Variants in MAML3 observed in about 807,000 individuals in gnomAD.
MAML3 encodes the protein mastermind like transcriptional coactivator 3.
Under a neutral mutation model 101.9 loss-of-function variants are expected in MAML3, and 27 were observed. The ratio of observed to expected loss-of-function variants is 0.27; its 90% CI spans 0.20 to 0.37. MAML3 has a LOEUF of 0.37. MAML3 is among the 10% of genes least tolerant of loss of function. The pLI, the probability that MAML3 is intolerant of heterozygous loss-of-function variation, is 1.00. For synonymous variants in MAML3, 501 were observed against 555.9 expected (o/e 0.90, Z 1.39); for missense variants, 1,316 against 1,444.9 (o/e 0.91, Z 1.45).
chr4:139,824,058 T>C (rs1310703728), intron 2 of MAML3, among the ~76,000 whole-genome samples: 2 of 152,130 alleles, frequency 1.3e-5, no homozygotes, highest in Non-Finnish European at 2.9e-5. Context: ...AAGTAAAATA[T>C]ATACTGAAGC....
At chr4:140,096,569 C>T (rs906160562) in intron 1 of MAML3, among the ~76,000 whole-genome samples, 1 of 152,144 alleles carries the variant, frequency 6.6e-6, no homozygotes, top group Non-Finnish European at 1.5e-5. Flanking sequence ...TCTCATTCCT[C>T]AGTCACAGCA....
At chr4:139,922,445 G>A (rs1350381756) in intron 1 of MAML3, among the ~76,000 whole-genome samples, 3 of 130,226 alleles carry the variant, frequency 2.3e-5, no homozygotes, top group African/African-American at 7.7e-5. Flanking sequence ...CAGAGAGAAC[G>A]GTGGGTCCCT....
intron 1 of MAML3, among the ~76,000 whole-genome samples, chr4:139,964,219 A>G (rs2110779587): frequency 6.6e-6 from 1 of 152,352 alleles, no homozygotes; most frequent in African/African-American, 2.4e-5. Context: ...CTGGATAAAG[A>G]ACATGTGGTA....
chr4:140,026,402 G>A (rs1264744547), intron 1 of MAML3, among the ~76,000 whole-genome samples: 1 of 152,060 alleles, frequency 6.6e-6, no homozygotes, highest in East Asian at 1.9e-4. Context: ...TTACAGGCAT[G>A]CGCCACTACA....
At chr4:139,986,854 T>G (rs1470504455) in intron 1 of MAML3, among the ~76,000 whole-genome samples, 1 of 152,206 alleles carries the variant, frequency 6.6e-6, no homozygotes, top group East Asian at 1.9e-4. Context: ...TTGGATAGCA[T>G]GTGGCTGATA....
At chr4:139,817,770 C>T (rs1469648521) in intron 2 of MAML3, among the ~76,000 whole-genome samples, 1 of 152,226 alleles carries the variant, frequency 6.6e-6, no homozygotes, top group Non-Finnish European at 1.5e-5. Flanking sequence ...TTACCACCAA[C>T]GCTGAAGCCA....
intron 1 of MAML3, among the ~76,000 whole-genome samples, chr4:140,143,501 A>G (rs1345098058): frequency 6.6e-6 from 1 of 152,150 alleles, no homozygotes; most frequent in Non-Finnish European, 1.5e-5. Flanking sequence ...GGTGGCTCAC[A>G]CCTGTAATCC....
At chr4:140,058,178 G>GA (rs1429701573) in intron 1 of MAML3, among the ~76,000 whole-genome samples, 1 of 152,032 alleles carries the variant, frequency 6.6e-6, no homozygotes, top group African/African-American at 2.4e-5. Flanking sequence ...GACAAGGAAG[G>GA]AAAAAATTGC....
chr4:139,931,291 T>C (rs1378032684), intron 1 of MAML3, among the ~76,000 whole-genome samples: 1 of 152,156 alleles, frequency 6.6e-6, no homozygotes, highest in Non-Finnish European at 1.5e-5. Flanking sequence ...GCTACCTCAT[T>C]TATCCTTCCG....
chr4:139,769,963 A>G (rs1423552967), intron 2 of MAML3, among the ~76,000 whole-genome samples: 1 of 144,254 alleles, frequency 6.9e-6, no homozygotes, highest in African/African-American at 2.6e-5. Context: ...TCTGTTGCCC[A>G]GTCCGGAGTG....
intron 2 of MAML3, among the ~76,000 whole-genome samples, chr4:139,833,532 C>T (rs1310483722): frequency 1.3e-5 from 2 of 152,044 alleles, no homozygotes; most frequent in Non-Finnish European, 2.9e-5. Context: ...AGAGAAAAGA[C>T]AGGAGAAAAC....
At chr4:140,022,710 G>C (rs1726751350) in intron 1 of MAML3, among the ~76,000 whole-genome samples, 1 of 152,172 alleles carries the variant, frequency 6.6e-6, no homozygotes, top group African/African-American at 2.4e-5. Context: ...TCAAGGAATT[G>C]AGAATAGACA....
chr4:140,071,787 G>GAGAGAGAGAGAGAGA (rs1265006286), intron 1 of MAML3, among the ~76,000 whole-genome samples: 1 of 151,264 alleles, frequency 6.6e-6, no homozygotes, highest in African/African-American at 2.4e-5. Context: ...GAGAGAGAGA[G>GAGAGAGAGAGAGAGA]AAGGCACGCA....
intron 2 of MAML3, among the ~76,000 whole-genome samples, chr4:139,859,924 C>T (rs897650817): frequency 2.6e-5 from 4 of 152,268 alleles, no homozygotes; most frequent in Non-Finnish European, 5.9e-5. Context: ...CAAACGAGAG[C>T]GGAGAGGCCT....
intron 1 of MAML3, among the ~76,000 whole-genome samples, chr4:140,031,666 C>A (rs1370709987): frequency 6.6e-6 from 1 of 152,098 alleles, no homozygotes; most frequent in Non-Finnish European, 1.5e-5. Flanking sequence ...TTATAATAAC[C>A]CTGTAGTGGC....
At chr4:139,924,630 A>G (rs1342724786) in intron 1 of MAML3, among the ~76,000 whole-genome samples, 1 of 149,688 alleles carries the variant, frequency 6.7e-6, no homozygotes, top group Non-Finnish European at 1.5e-5. Flanking sequence ...ACTAAAGTGT[A>G]CTTTCATCAT....
At chr4:139,994,048 T>G (rs1376193518) in intron 1 of MAML3, among the ~76,000 whole-genome samples, 1 of 152,226 alleles carries the variant, frequency 6.6e-6, no homozygotes. Context: ...GGTCTACTTT[T>G]TTTGTAATGT....
intron 2 of MAML3, among the ~76,000 whole-genome samples, chr4:139,822,270 C>CCACCAT (rs1560804617): frequency 6.7e-5 from 8 of 119,258 alleles, no homozygotes; most frequent in South Asian, 2.9e-4. Context: ...ACCACCACCA[C>CCACCAT]CATCATCATC....
At chr4:140,061,060 A>G (rs1721313749) in intron 1 of MAML3, among the ~76,000 whole-genome samples, 1 of 152,260 alleles carries the variant, frequency 6.6e-6, no homozygotes, top group Non-Finnish European at 1.5e-5. Context: ...AGTGACAAAA[A>G]GGCACGCACG....
Sources: gnomAD v4.1 joint callset for allele counts (sites outside exome capture counted in the v4.1 genomes callset) on GRCh38, gnomAD v4.1.1 for gene constraint, MANE v1.5 for transcripts, NCBI Gene and HGNC (gene_info 2026-07-23, HGNC 2026-07-21) for gene names.